SLC2A13: variants seen among roughly 807,000 people sequenced by gnomAD.
SLC2A13 encodes solute carrier family 2 member 13, also known as proton myo-inositol cotransporter.
A neutral mutation model predicts 64.4 loss-of-function variants in SLC2A13; 32 were observed. That is an observed-to-expected ratio of 0.50 (90% CI 0.37 to 0.67). The LOEUF (loss-of-function observed/expected upper bound fraction) is 0.67, where lower values mean the gene tolerates loss of function less well. Ranked by LOEUF, SLC2A13 falls within the 30% of genes least tolerant of loss-of-function variation. SLC2A13 has a pLI of 0.00. For missense variants in SLC2A13, 743 were observed against 829.2 expected, an observed-to-expected ratio of 0.90 and a Z score of 1.28; for synonymous variants, 338 against 327.1, an observed-to-expected ratio of 1.03 and a Z score of -0.36.
intron 5 of SLC2A13, among the ~76,000 whole-genome samples, chr12:39,866,570 C>T (rs376169378): frequency 1.3e-5 from 2 of 152,134 alleles, no homozygotes; most frequent in African/African-American, 4.8e-5. Context: ...GCTCCGCCCC[C>T]CGGGGTTCAC....
At chr12:40,097,719 G>GAAAAC (rs1227959920) in intron 1 of SLC2A13, among the ~76,000 whole-genome samples, 1 of 152,058 alleles carries the variant, frequency 6.6e-6, no homozygotes, top group African/African-American at 2.4e-5. Context: ...CAAAAGAAAA[G>GAAAAC]AAAACAACAA....
At chr12:39,841,999 A>G (rs1162158478) in intron 6 of SLC2A13, among the ~76,000 whole-genome samples, 4 of 152,086 alleles carry the variant, frequency 2.6e-5, no homozygotes, top group African/African-American at 7.2e-5. Context: ...TAATTCTTAC[A>G]TTGGCATCAT....
chr12:40,056,203 T>C (rs768485664), intron 1 of SLC2A13, among the ~76,000 whole-genome samples: 7 of 151,728 alleles, frequency 4.6e-5, no homozygotes, highest in Non-Finnish European at 8.8e-5. Flanking sequence ...ATGGGAAGCC[T>C]GTAACTTTCA....
intron 6 of SLC2A13, 125 bp downstream of exon 6, chr12:39,864,637 C>T: frequency 7.7e-7 from 1 of 1,300,018 alleles, no homozygotes; most frequent in African/African-American, 1.5e-5. Flanking sequence ...CCATTTTCTT[C>T]CCTTCTTACA....
intron 7 of SLC2A13, among the ~76,000 whole-genome samples, chr12:39,773,743 A>G (rs1300882156): frequency 1.3e-5 from 2 of 152,212 alleles, no homozygotes; most frequent in Non-Finnish European, 1.5e-5. Flanking sequence ...GAAAAGAAAT[A>G]TGACCTGTGT....
chr12:39,803,456 T>C (rs1039765763), intron 7 of SLC2A13, among the ~76,000 whole-genome samples: 1 of 152,102 alleles, frequency 6.6e-6, no homozygotes, highest in African/African-American at 2.4e-5. Context: ...ATGAGTATAA[T>C]TATTTAAAGA....
intron 3 of SLC2A13, among the ~76,000 whole-genome samples, chr12:39,991,169 C>T (rs1947132691): frequency 6.6e-6 from 1 of 152,228 alleles, no homozygotes; most frequent in Admixed American, 6.5e-5. Flanking sequence ...CACAGCAGTG[C>T]TTTGTAGAAC....
chr12:39,882,663 G>T (rs561104970), intron 4 of SLC2A13, among the ~76,000 whole-genome samples: 10 of 152,194 alleles, frequency 6.6e-5, no homozygotes, highest in African/African-American at 2.4e-4. Flanking sequence ...GCAATCAGAT[G>T]GGTGCTCCCC....
At chr12:40,030,948 T>C (rs1025391320) in intron 2 of SLC2A13, among the ~76,000 whole-genome samples, 3 of 152,210 alleles carry the variant, frequency 2.0e-5, no homozygotes, top group Non-Finnish European at 2.9e-5. Flanking sequence ...TCCTTAAGCA[T>C]ATTAAAGCTT....
chr12:39,963,496 A>G (rs1946453230), intron 3 of SLC2A13, among the ~76,000 whole-genome samples: 1 of 152,214 alleles, frequency 6.6e-6, no homozygotes, highest in Non-Finnish European at 1.5e-5. Context: ...GGCATAAATG[A>G]GTAAGACCTA....
intron 3 of SLC2A13, among the ~76,000 whole-genome samples, chr12:39,986,662 CAAAAA>C (rs149538795): frequency 8.9e-6 from 1 of 112,398 alleles, no homozygotes; most frequent in Admixed American, 9.2e-5. Flanking sequence ...TTAAGCAGAC[CAAAAA>C]AAAAAAGATT....
At chr12:39,784,583 A>G (rs1374801674) in intron 7 of SLC2A13, among the ~76,000 whole-genome samples, 1 of 152,220 alleles carries the variant, frequency 6.6e-6, no homozygotes, top group African/African-American at 2.4e-5. Flanking sequence ...TTCAAAATGG[A>G]TTAAATACTT....
At chr12:39,794,149 A>C (rs12831485) in intron 7 of SLC2A13, among the ~76,000 whole-genome samples, 8 of 126,012 alleles carry the variant, frequency 6.3e-5, no homozygotes, top group Admixed American at 2.4e-4. Context: ...AAAAAAAAAA[A>C]CCAAAACAAA....
intron 6 of SLC2A13, among the ~76,000 whole-genome samples, chr12:39,855,805 C>G (rs986889517): frequency 6.6e-6 from 1 of 152,142 alleles, no homozygotes; most frequent in Non-Finnish European, 1.5e-5. Flanking sequence ...CTAATTTAAT[C>G]AATATACAAT....
intron 3 of SLC2A13, among the ~76,000 whole-genome samples, chr12:39,969,050 T>G (rs150932704): frequency 0.017 from 2,602 of 152,194 alleles, 75 homozygotes; most frequent in African/African-American, 0.059. Flanking sequence ...CACGTGGTGT[T>G]TGGTTTTTTT....
At chr12:39,849,801 A>T (rs12316711) in intron 6 of SLC2A13, among the ~76,000 whole-genome samples, 4,745 of 152,118 alleles carry the variant, frequency 0.031, 238 homozygotes, top group African/African-American at 0.11. Context: ...TAATATTTCA[A>T]GGTCATAAAA....
intron 3 of SLC2A13, among the ~76,000 whole-genome samples, chr12:39,960,497 G>A (rs139506375): frequency 2.3e-3 from 356 of 151,862 alleles, no homozygotes; most frequent in African/African-American, 7.9e-3. Flanking sequence ...CTCCTGCCTC[G>A]GCCTCCTGAG....
At chr12:39,957,634 C>A (rs1254236574) in intron 3 of SLC2A13, among the ~76,000 whole-genome samples, 2 of 152,146 alleles carry the variant, frequency 1.3e-5, no homozygotes, top group East Asian at 3.8e-4. Context: ...CAAAAACGAG[C>A]CACACTCATT....
At chr12:39,791,190 CT>C (rs1941390913) in intron 7 of SLC2A13, among the ~76,000 whole-genome samples, 1 of 151,510 alleles carries the variant, frequency 6.6e-6, no homozygotes, top group Non-Finnish European at 1.5e-5. Context: ...ATGCTAAAAA[CT>C]CTCAATAAAT....
Sources: allele counts gnomAD v4.1 joint callset (sites outside exome capture counted in the v4.1 genomes callset), GRCh38; gene constraint gnomAD v4.1.1; transcripts MANE v1.5; gene names NCBI Gene and HGNC (gene_info 2026-07-23, HGNC 2026-07-21).